The following CAMKMT variants were observed in gnomAD, a reference collection of about 807,000 sequenced individuals.
CAMKMT encodes the protein CaM KMT.
Under a neutral mutation model 48.0 loss-of-function variants are expected in CAMKMT, and 53 were observed. The ratio of observed to expected loss-of-function variants is 1.10; its 90% CI spans 0.89 to 1.39. The LOEUF (loss-of-function observed/expected upper bound fraction) is 1.39, where lower values mean the gene tolerates loss of function less well. CAMKMT is among the 40% of genes most tolerant of loss of function. The pLI, the probability that CAMKMT is intolerant of heterozygous loss-of-function variation, is 0.00. For synonymous variants in CAMKMT, 165 were observed against 152.3 expected (o/e 1.08, Z -0.61); for missense variants, 428 against 402.7 (o/e 1.06, Z -0.54).
intron 3 of CAMKMT, among the ~76,000 whole-genome samples, chr2:44,571,117 T>G (rs1377758959): frequency 1.3e-5 from 2 of 152,184 alleles, no homozygotes; most frequent in Non-Finnish European, 1.5e-5. Flanking sequence ...TAATGCAGTC[T>G]TTTTGTTTTG....
intron 3 of CAMKMT, among the ~76,000 whole-genome samples, chr2:44,546,934 A>G (rs897424992): frequency 3.9e-5 from 6 of 152,148 alleles, no homozygotes. Flanking sequence ...CTCTCTCAGT[A>G]AAGTTGCCTT....
intron 3 of CAMKMT, among the ~76,000 whole-genome samples, chr2:44,565,093 T>C (rs1668541440): frequency 6.6e-6 from 1 of 152,212 alleles, no homozygotes; most frequent in East Asian, 1.9e-4. Flanking sequence ...GAAGGCATCT[T>C]TCTCATCTTT....
At chr2:44,669,697 G>T (rs1455539441) in intron 3 of CAMKMT, among the ~76,000 whole-genome samples, 1 of 151,992 alleles carries the variant, frequency 6.6e-6, no homozygotes, top group Non-Finnish European at 1.5e-5. Context: ...GAGTGCAGTG[G>T]CACAATCCCG....
chr2:44,493,656 A>T (rs944269801), intron 3 of CAMKMT, among the ~76,000 whole-genome samples: 1 of 152,156 alleles, frequency 6.6e-6, no homozygotes, highest in East Asian at 1.9e-4. Context: ...TCCTTTTTGA[A>T]GTGTGACTAA....
chr2:44,574,880 A>T (rs1669126127), intron 3 of CAMKMT, among the ~76,000 whole-genome samples: 1 of 150,224 alleles, frequency 6.7e-6, no homozygotes, highest in African/African-American at 2.5e-5. Flanking sequence ...AGCTGGGACT[A>T]CAGGCATGAG....
In CAMKMT at chr2:44,447,718, A is replaced by G. The variant is rs114640460; in HGVS notation, c.376+57413A>G. 5.2e-3 allele frequency among the ~76,000 whole-genome samples: 797 copies of G among 152,348 alleles called. 3 individuals are homozygous for G. Among genetic ancestry groups the G allele is most frequent in the African/African-American group, 0.018 (767 of 41,580 alleles). ...CATCTTATTGGCCAGAGCAATTTAC[A>G]TGGTGAAGCCTGTTGTCAGTAGGGC... On this transcript the variant is annotated intron_variant, in intron 3 of 10. Transcript: ENST00000378494.
chr2:44,370,450 T>A (rs898148272), intron 1 of CAMKMT, among the ~76,000 whole-genome samples: 1 of 152,228 alleles, frequency 6.6e-6, no homozygotes, highest in African/African-American at 2.4e-5. Context: ...TTTTTAAAGT[T>A]AGTTTTCATA....
intron 3 of CAMKMT, among the ~76,000 whole-genome samples, chr2:44,661,309 C>G (rs1251388755): frequency 3.9e-5 from 5 of 129,118 alleles, no homozygotes; most frequent in Admixed American, 7.9e-5. Flanking sequence ...TTGTGAGCAG[C>G]CTTTTTTTTT....
intron 3 of CAMKMT, among the ~76,000 whole-genome samples, chr2:44,671,104 G>A (rs1675302389): frequency 6.6e-6 from 1 of 152,180 alleles, no homozygotes; most frequent in African/African-American, 2.4e-5. Flanking sequence ...TTGATTAGCT[G>A]ACTTTGTAGT....
At chr2:44,409,113 A>C (rs1451335749) in intron 3 of CAMKMT, among the ~76,000 whole-genome samples, 2 of 5,072 alleles carry the variant, frequency 3.9e-4, no homozygotes, top group Admixed American at 2.1e-3. Context: ...ATATATATAT[A>C]TATATATATA....
At chr2:44,742,302 G>A (rs1055883678) in intron 7 of CAMKMT, among the ~76,000 whole-genome samples, 1 of 152,170 alleles carries the variant, frequency 6.6e-6, no homozygotes, top group Non-Finnish European at 1.5e-5. Flanking sequence ...TATCCAGTAG[G>A]CCTCAGCAAG....
chr2:44,667,253 C>A (rs1675042689), intron 3 of CAMKMT, among the ~76,000 whole-genome samples: 2 of 152,186 alleles, frequency 1.3e-5, no homozygotes, highest in South Asian at 4.1e-4. Context: ...TTCCTATCTT[C>A]CCATAAGGGA....
chr2:44,671,770 A>G (rs1418817852), intron 3 of CAMKMT, among the ~76,000 whole-genome samples: 3 of 151,934 alleles, frequency 2.0e-5, no homozygotes, highest in African/African-American at 7.3e-5. Context: ...CTTTTTTATC[A>G]TATATTTCTC....
At chr2:44,419,696 C>G (rs916228500) in intron 3 of CAMKMT, among the ~76,000 whole-genome samples, 1 of 152,122 alleles carries the variant, frequency 6.6e-6, no homozygotes, top group Non-Finnish European at 1.5e-5. Context: ...CTGCCTTAAA[C>G]TCCCAGGTAG....
intron 2 of CAMKMT, among the ~76,000 whole-genome samples, chr2:44,388,102 C>T (rs545069483): frequency 5.3e-5 from 8 of 152,164 alleles, no homozygotes; most frequent in African/African-American, 1.9e-4. Context: ...TTGATTATTC[C>T]CCCAAATATG....
chr2:44,541,630 G>C (rs148568789), intron 3 of CAMKMT, among the ~76,000 whole-genome samples: 38 of 151,938 alleles, frequency 2.5e-4, no homozygotes, highest in Middle Eastern at 6.8e-3. Context: ...AATTAGCTGC[G>C]CATAGTGGTG....
chr2:44,495,327 G>A (rs902931005), intron 3 of CAMKMT, among the ~76,000 whole-genome samples: 7 of 152,042 alleles, frequency 4.6e-5, no homozygotes, highest in African/African-American at 1.4e-4. Flanking sequence ...TTTTTTGGTA[G>A]CGGTCAGGAT....
At chr2:44,480,867 T>A (rs955036216) in intron 3 of CAMKMT, among the ~76,000 whole-genome samples, 3 of 152,096 alleles carry the variant, frequency 2.0e-5, no homozygotes, top group Admixed American at 2.0e-4. Context: ...CATATTTATA[T>A]GTATTATACA....
At chr2:44,617,360 A>T (rs188381828) in intron 3 of CAMKMT, among the ~76,000 whole-genome samples, 14 of 152,330 alleles carry the variant, frequency 9.2e-5, no homozygotes, top group Admixed American at 8.5e-4. Context: ...TGAATTGCCA[A>T]CAAAATGCAT....
Sources: allele counts gnomAD v4.1 joint callset (sites outside exome capture counted in the v4.1 genomes callset), GRCh38; gene constraint gnomAD v4.1.1; transcripts MANE v1.5; gene names NCBI Gene and HGNC (gene_info 2026-07-23, HGNC 2026-07-21).